The following HS6ST3 variants were observed in gnomAD, a reference collection of about 807,000 sequenced individuals.
HS6ST3 encodes heparan sulfate 6-O-sulfotransferase 3.
A neutral mutation model predicts 36.7 loss-of-function variants in HS6ST3; 12 were observed. That is an observed-to-expected ratio of 0.33 (90% CI 0.21 to 0.53). The LOEUF (loss-of-function observed/expected upper bound fraction) is 0.53. Ranked by LOEUF, HS6ST3 falls within the 20% of genes least tolerant of loss-of-function variation. The probability of loss-of-function intolerance (pLI) is 0.95; values close to 1 mark genes in which losing one functional copy is unlikely to be tolerated. For missense variants in HS6ST3, 584 were observed against 640.9 expected, an observed-to-expected ratio of 0.91 and a Z score of 0.96; for synonymous variants, 240 against 257.5, an observed-to-expected ratio of 0.93 and a Z score of 0.65.
chr13:96,534,291 G>A (rs2056146815), intron 1 of HS6ST3, among the ~76,000 whole-genome samples: 1 of 152,214 alleles, frequency 6.6e-6, no homozygotes, highest in Non-Finnish European at 1.5e-5. Flanking sequence ...AGGATTTAGA[G>A]CCATCTCTTT....
At chr13:96,751,567 T>C (rs1594851780) in intron 1 of HS6ST3, among the ~76,000 whole-genome samples, 1 of 152,176 alleles carries the variant, frequency 6.6e-6, no homozygotes, top group East Asian at 1.9e-4. Flanking sequence ...TAATTTGTTA[T>C]GGCAGTCCTA....
At chr13:96,358,927 T>C (rs1486986638) in intron 1 of HS6ST3, among the ~76,000 whole-genome samples, 1 of 151,378 alleles carries the variant, frequency 6.6e-6, no homozygotes, top group African/African-American at 2.4e-5. Context: ...TAGAGAGAGA[T>C]GACACAGAGA....
At chr13:96,453,870 C>T (rs1205191071) in intron 1 of HS6ST3, among the ~76,000 whole-genome samples, 2 of 152,104 alleles carry the variant, frequency 1.3e-5, no homozygotes, top group Non-Finnish European at 1.5e-5. Flanking sequence ...TGAAGAGAGT[C>T]AAGTTTGATC....
At chr13:96,291,982 T>C (rs1457594467) in intron 1 of HS6ST3, among the ~76,000 whole-genome samples, 1 of 152,036 alleles carries the variant, frequency 6.6e-6, no homozygotes, top group Non-Finnish European at 1.5e-5. Context: ...ATGCTAAGAG[T>C]TATGTTGTAA....
At chr13:96,355,895 C>A (rs1213451754) in intron 1 of HS6ST3, among the ~76,000 whole-genome samples, 2 of 27,664 alleles carry the variant, frequency 7.2e-5, no homozygotes, top group African/African-American at 8.3e-4. Context: ...ACTGCTACTT[C>A]ATAACTAAGT....
chr13:96,386,418 C>G (rs943761704), intron 1 of HS6ST3, among the ~76,000 whole-genome samples: 2 of 152,138 alleles, frequency 1.3e-5, no homozygotes, highest in East Asian at 3.9e-4. Flanking sequence ...TTTTCCATTT[C>G]CCTTAGCCTG....
chr13:96,532,753 A>G (rs1488781202), intron 1 of HS6ST3, among the ~76,000 whole-genome samples: 1 of 152,304 alleles, frequency 6.6e-6, no homozygotes, highest in East Asian at 1.9e-4. Flanking sequence ...AAGTCAAAAA[A>G]TTACTGAAAG....
chr13:96,609,074 A>G (rs942602136), intron 1 of HS6ST3, among the ~76,000 whole-genome samples: 5 of 151,972 alleles, frequency 3.3e-5, no homozygotes, highest in Non-Finnish European at 7.4e-5. Context: ...GGTTCATGCC[A>G]TTCTCCTGCC....
intron 1 of HS6ST3, among the ~76,000 whole-genome samples, chr13:96,829,909 G>A (rs964967510): frequency 6.6e-6 from 1 of 152,102 alleles, no homozygotes; most frequent in Non-Finnish European, 1.5e-5. Flanking sequence ...TTAGGTCTTT[G>A]AGGAATCAGA....
Position 96,090,893 on chromosome 13 carries a change from A to G in HS6ST3, c.31A>G (p.Thr11Ala). ...TGAAAGGTTCAACAAGTGGCTGCTG[A>G]CGCCGGTGCTCACTCTCCTCTTCGT... MDERFNKWLLTPVLTLLFVVI... is the reference protein window; with the variant it reads MDERFNKWLLAPVLTLLFVVI... Residue 11 changes from threonine to alanine, a missense_variant, in exon 1 of 2, where the codon ACG (threonine) becomes GCG (alanine). Around this residue, in one of 3 missense-constraint regions of HS6ST3, gnomAD observed 217 missense variants for 205.4 expected, o/e 1.06. Coordinates refer to ENST00000376705, the MANE Select transcript of HS6ST3 (RefSeq NM_153456.4). The G allele has an allele frequency of 6.6e-7, 1 of 1,512,774 alleles. No homozygotes were observed. Among genetic ancestry groups the G allele is most frequent in the Non-Finnish European group, 8.9e-7 (1 of 1,125,584 alleles). 93.7% of individuals were successfully genotyped at this position (1,512,774 alleles called of 1,614,324 possible). A position where few individuals can be genotyped will look rare whatever the true frequency, so the allele number is the denominator to read the frequency against.
chr13:96,553,721 G>A (rs7334027), intron 1 of HS6ST3, among the ~76,000 whole-genome samples: 13,123 of 152,234 alleles, frequency 0.086, 1,033 homozygotes, highest in African/African-American at 0.21. Flanking sequence ...GCTTCAGGTG[G>A]TAGTTCCAGA....
At chr13:96,386,851 C>T (rs543605388) in intron 1 of HS6ST3, among the ~76,000 whole-genome samples, 5 of 152,228 alleles carry the variant, frequency 3.3e-5, no homozygotes, top group Admixed American at 6.5e-5. Context: ...GGTGACAGAG[C>T]GAGACTCCAT....
chr13:96,577,383 A>G (rs2056325765), intron 1 of HS6ST3, among the ~76,000 whole-genome samples: 1 of 152,170 alleles, frequency 6.6e-6, no homozygotes, highest in Non-Finnish European at 1.5e-5. Flanking sequence ...CATGGTGTAT[A>G]TGTGCCACAT....
chr13:96,455,774 A>G (rs1305284272), intron 1 of HS6ST3, among the ~76,000 whole-genome samples: 1 of 152,220 alleles, frequency 6.6e-6, no homozygotes, highest in East Asian at 1.9e-4. Flanking sequence ...ACCAGTGTGA[A>G]CTATTTATTC....
At chr13:96,221,011 C>T (rs984633003) in intron 1 of HS6ST3, among the ~76,000 whole-genome samples, 4 of 152,078 alleles carry the variant, frequency 2.6e-5, no homozygotes, top group African/African-American at 9.7e-5. Flanking sequence ...TATTATTATA[C>T]ATTTGGGTCA....
intron 1 of HS6ST3, among the ~76,000 whole-genome samples, chr13:96,359,472 T>C (rs973847188): frequency 6.6e-6 from 1 of 152,202 alleles, no homozygotes; most frequent in Non-Finnish European, 1.5e-5. Context: ...TTTCTTTCAT[T>C]TTAACCATTA....
chr13:96,339,930 C>G (rs553366681), intron 1 of HS6ST3, among the ~76,000 whole-genome samples: 5 of 152,280 alleles, frequency 3.3e-5, no homozygotes, highest in Admixed American at 2.0e-4. Flanking sequence ...GTGGGGTTGG[C>G]AAGTTTGCTG....
intron 1 of HS6ST3, among the ~76,000 whole-genome samples, chr13:96,504,505 G>A (rs1408196342): frequency 2.6e-5 from 4 of 152,048 alleles, no homozygotes; most frequent in Non-Finnish European, 4.4e-5. Flanking sequence ...AGGAGACATC[G>A]AGTAACAGAG....
intron 1 of HS6ST3, among the ~76,000 whole-genome samples, chr13:96,668,924 G>A (rs60869905): frequency 0.012 from 1,830 of 151,954 alleles, 31 homozygotes; most frequent in African/African-American, 0.042. Flanking sequence ...TAAGGATAAA[G>A]CGATAAACAT....
Sources: allele counts gnomAD v4.1 joint callset (sites outside exome capture counted in the v4.1 genomes callset), GRCh38; gene constraint gnomAD v4.1.1; regional missense constraint gnomAD v4.1.1; transcripts MANE v1.5; gene names NCBI Gene and HGNC (gene_info 2026-07-23, HGNC 2026-07-21).